The following RIMS2 variants were observed in gnomAD, a reference collection of about 807,000 sequenced individuals.
RIMS2 encodes the protein regulating synaptic membrane exocytosis 2.
A neutral mutation model predicts 174.4 loss-of-function variants in RIMS2; 59 were observed. The ratio of observed to expected loss-of-function variants is 0.34; its 90% CI spans 0.27 to 0.42. RIMS2 has a LOEUF of 0.42. RIMS2 is among the 10% of genes least tolerant of loss of function. The probability of loss-of-function intolerance (pLI) is 1.00; values close to 1 mark genes in which losing one functional copy is unlikely to be tolerated. For synonymous variants in RIMS2, 606 were observed against 572.5 expected, an observed-to-expected ratio of 1.06 and a Z score of -0.84; for missense variants, 1,620 against 1,666.3, an observed-to-expected ratio of 0.97 and a Z score of 0.48.
intron 7 of RIMS2, 59 bp downstream of exon 10, chr8:103,915,653 T>C: frequency 1.4e-6 from 1 of 739,828 alleles, no homozygotes; most frequent in Non-Finnish European, 2.2e-6. Context: ...AGTTATGAGT[T>C]ATTTTCATTT....
chr8:104,190,538 C>T (rs2098992177), intron 19 of RIMS2, among the ~76,000 whole-genome samples: 1 of 151,946 alleles, frequency 6.6e-6, no homozygotes, highest in African/African-American at 2.4e-5. Context: ...TAGGCTTTGT[C>T]CTTTTTGTCT....
intron 3 of RIMS2, among the ~76,000 whole-genome samples, chr8:103,808,326 C>T (rs1280414588): frequency 1.3e-5 from 2 of 152,114 alleles, no homozygotes; most frequent in Non-Finnish European, 2.9e-5. Context: ...GCTTCTCCTT[C>T]TTTAACTGAT....
intron 1 of RIMS2, among the ~76,000 whole-genome samples, chr8:103,535,292 C>T (rs775177217): frequency 8.5e-5 from 13 of 152,158 alleles, no homozygotes; most frequent in African/African-American, 2.7e-4. Flanking sequence ...TGCAGCCTAT[C>T]GATTGCCCTT....
At chr8:103,580,439 G>T (rs917769239) in intron 1 of RIMS2, among the ~76,000 whole-genome samples, 1 of 116,954 alleles carries the variant, frequency 8.6e-6, no homozygotes, top group African/African-American at 2.8e-5. Flanking sequence ...AAGACTATAT[G>T]TGTGCATGTG....
chr8:103,816,678 G>C (rs1164167171), intron 3 of RIMS2, among the ~76,000 whole-genome samples: 3 of 152,160 alleles, frequency 2.0e-5, no homozygotes, highest in Non-Finnish European at 2.9e-5. Flanking sequence ...AGGTGGAAGA[G>C]ATCATTTCTG....
intron 19 of RIMS2, among the ~76,000 whole-genome samples, chr8:104,079,916 G>A (rs1027965846): frequency 6.6e-6 from 1 of 151,480 alleles, no homozygotes; most frequent in African/African-American, 2.4e-5. Context: ...AAGTAGGATA[G>A]GATAGTTTGA....
chr8:103,763,046 G>A lies in RIMS2; in HGVS notation c.388-3181G>A, dbSNP rs140855014. ...GGCAGTACTTGATGTGGGTAGATCC[G>A]GAATTCCTGAGCTTAAAGGATTAAT... On this transcript the variant is annotated intron_variant, in intron 2 of 23. Coordinates refer to ENST00000504942, the Ensembl canonical transcript of RIMS2. Among the ~76,000 whole-genome samples the A allele has an allele frequency of 2.2e-3, 342 of 152,062 alleles. 1 individual carries two copies. The highest frequency in any genetic ancestry group is 4.1e-3 in the Admixed American group (63 of 15,252).
chr8:103,856,160 T>A (rs1400245540), intron 3 of RIMS2, among the ~76,000 whole-genome samples: 1 of 151,750 alleles, frequency 6.6e-6, no homozygotes, highest in East Asian at 1.9e-4. Flanking sequence ...TTAAAATCTA[T>A]GTTATCTGAT....
At chr8:103,684,536 CTTTTTTTATTTTATTTTATT>C (rs1180163468) in intron 1 of RIMS2, among the ~76,000 whole-genome samples, 12 of 138,126 alleles carry the variant, frequency 8.7e-5, no homozygotes, top group African/African-American at 3.0e-4. Context: ...CTGGTTCATA[CTTTTTTTATTTTATTTTATT>C]TTATTTTATT....
intron 14 of RIMS2, among the ~76,000 whole-genome samples, chr8:103,945,825 A>G (rs773137694): frequency 2.0e-5 from 3 of 152,144 alleles, no homozygotes; most frequent in Admixed American, 6.5e-5. Context: ...AAGTAGGCAT[A>G]GAAGAGAACT....
At chr8:103,580,679 G>A (rs1158994450) in intron 1 of RIMS2, among the ~76,000 whole-genome samples, 1 of 152,134 alleles carries the variant, frequency 6.6e-6, no homozygotes, top group Non-Finnish European at 1.5e-5. Context: ...AATGAGTAAT[G>A]AGAGCAACAC....
At chr8:104,229,241 A>G (rs866908302) in intron 19 of RIMS2, among the ~76,000 whole-genome samples, 5 of 152,266 alleles carry the variant, frequency 3.3e-5, no homozygotes, top group Middle Eastern at 3.4e-3. Flanking sequence ...TTTTAATGTA[A>G]ATGTTCTCTG....
At chr8:103,874,053 G>A (rs572876436) in intron 3 of RIMS2, among the ~76,000 whole-genome samples, 1 of 152,166 alleles carries the variant, frequency 6.6e-6, no homozygotes, top group Admixed American at 6.6e-5. Flanking sequence ...TGAATCTCCT[G>A]TAAAGCGACC....
rs559223133 is a variant in RIMS2, at chr8:103,853,632, A to G, written c.699-31666A>G. The stretch of plus-strand genomic sequence containing the variant: ...CCAGTTGTCTCAGCACTGTTTATTG[A>G]GTAGGGAGTTCATTACCCATTGATT... On this transcript the variant is annotated intron_variant, in intron 3 of 23. Coordinates refer to ENST00000504942, the Ensembl canonical transcript of RIMS2. Among the ~76,000 whole-genome samples the G allele has an allele frequency of 3.9e-5, 6 of 152,226 alleles. No homozygotes were observed. The East Asian group carries it at 1.2e-3, about 29-fold the overall frequency.
chr8:103,780,867 T>C (rs1366640155), intron 3 of RIMS2, among the ~76,000 whole-genome samples: 1 of 152,194 alleles, frequency 6.6e-6, no homozygotes, highest in Non-Finnish European at 1.5e-5. Context: ...TTGTTTTGTT[T>C]TTTACTTGAC....
intron 3 of RIMS2, among the ~76,000 whole-genome samples, chr8:103,815,051 A>C (rs1348734612): frequency 6.6e-6 from 1 of 152,140 alleles, no homozygotes; most frequent in Non-Finnish European, 1.5e-5. Context: ...TTAAATTTTG[A>C]GCTTTACTTG....
At chr8:103,616,682 C>T (rs1295268970) in intron 1 of RIMS2, among the ~76,000 whole-genome samples, 1 of 152,024 alleles carries the variant, frequency 6.6e-6, no homozygotes, top group Non-Finnish European at 1.5e-5. Flanking sequence ...TTGCAGGATA[C>T]AAAGTCATTG....
At chr8:103,596,539 C>G (rs957487901) in intron 1 of RIMS2, among the ~76,000 whole-genome samples, 2 of 152,014 alleles carry the variant, frequency 1.3e-5, no homozygotes, top group Non-Finnish European at 1.5e-5. Flanking sequence ...TGGAAACATT[C>G]AATATCCTCC....
At chr8:103,704,725 C>T (rs541338854) in intron 2 of RIMS2, among the ~76,000 whole-genome samples, 55 of 151,918 alleles carry the variant, frequency 3.6e-4, no homozygotes, top group Non-Finnish European at 7.5e-4. Flanking sequence ...GAAATGTATC[C>T]ATTTCTTGTG....
Sources: allele counts gnomAD v4.1 joint callset (sites outside exome capture counted in the v4.1 genomes callset), GRCh38; gene constraint gnomAD v4.1.1; transcripts MANE v1.5; gene names NCBI Gene and HGNC (gene_info 2026-07-23, HGNC 2026-07-21).